The following CDH4 variants were observed in gnomAD, a reference collection of about 807,000 sequenced individuals.
CDH4 encodes cadherin-4.
A neutral mutation model predicts 86.0 loss-of-function variants in CDH4; 33 were observed. The observed-to-expected ratio is 0.38, with a 90% CI of 0.29 to 0.51. The LOEUF is 0.51. Among genes scored for constraint, CDH4 ranks in the 20% least tolerant of loss-of-function variants. CDH4 has a pLI of 0.86. For synonymous variants in CDH4, 555 were observed against 549.4 expected (o/e 1.01, Z -0.14); for missense variants, 1,114 against 1,307.4 (o/e 0.85, Z 2.28).
Position 61,934,161 on chromosome 20 carries a change from C to T in CDH4, c.2485C>T (p.Gln829Ter). The T allele has an allele frequency of 6.2e-7, 1 of 1,608,000 alleles. No homozygotes were observed. The highest frequency in any genetic ancestry group is 8.5e-7 in the Non-Finnish European group (1 of 1,176,840). Reference protein sequence around the residue: ...VDERPVGAEPQYPIRPMVPHP... With the variant: ...VDERPVGAEP ...TGAGCGGCCGGTGGGCGCTGAGCCCCAGTACCCGATCAGGCCCATGGTGCC... is the reference window on the plus strand; with the variant it reads ...TGAGCGGCCGGTGGGCGCTGAGCCCTAGTACCCGATCAGGCCCATGGTGCC... The change falls in exon 15 of 16, where the codon CAG becomes TAG. Residue 829 changes from glutamine to a stop codon, truncating the protein, a stop_gained. Transcript: ENST00000614565. LOFTEE classifies it high-confidence loss of function.
chr20:61,727,201 ATCT>A (rs1475768400), intron 2 of CDH4, among the ~76,000 whole-genome samples: 1 of 151,796 alleles, frequency 6.6e-6, no homozygotes, highest in Non-Finnish European at 1.5e-5. Flanking sequence ...CAGAGTCATC[ATCT>A]TCACCACCGG....
chr20:61,786,069 G>C (rs1367350285), intron 4 of CDH4, among the ~76,000 whole-genome samples: 1 of 152,134 alleles, frequency 6.6e-6, no homozygotes, highest in Non-Finnish European at 1.5e-5. Flanking sequence ...AGGATGGGAG[G>C]AACTGCTCTA....
intron 2 of CDH4, among the ~76,000 whole-genome samples, chr20:61,606,379 A>G (rs963572358): frequency 6.6e-6 from 1 of 152,226 alleles, no homozygotes; most frequent in African/African-American, 2.4e-5. Flanking sequence ...GAGAGGCTGA[A>G]TGACTTCCCC....
At chr20:61,289,166 G>A (rs1423596589) in intron 2 of CDH4, among the ~76,000 whole-genome samples, 1 of 152,220 alleles carries the variant, frequency 6.6e-6, no homozygotes, top group Admixed American at 6.5e-5. Flanking sequence ...GTGCCCCACT[G>A]CACCCTGCCA....
intron 2 of CDH4, among the ~76,000 whole-genome samples, chr20:61,723,877 A>ACAGGATGGAGGCTCCATGTGGCAG (rs2088074298): frequency 6.6e-6 from 1 of 152,132 alleles, no homozygotes; most frequent in African/African-American, 2.4e-5. Context: ...TCCATGCGGC[A>ACAGGATGGAGGCTCCATGTGGCAG]GGTGGGGTGG....
At chr20:61,502,546 G>A (rs2085711356) in intron 2 of CDH4, among the ~76,000 whole-genome samples, 1 of 152,170 alleles carries the variant, frequency 6.6e-6, no homozygotes, top group Non-Finnish European at 1.5e-5. Flanking sequence ...CATTGTCTGT[G>A]GTTGTGTGGT....
At chr20:61,739,859 C>G (rs772792784) in intron 2 of CDH4, among the ~76,000 whole-genome samples, 14 of 152,234 alleles carry the variant, frequency 9.2e-5, no homozygotes, top group Non-Finnish European at 1.3e-4. Context: ...GCCTCTCCAG[C>G]CGACGCCTCA....
chr20:61,671,593 GTGGA>G (rs1057472916), intron 2 of CDH4, among the ~76,000 whole-genome samples: 2 of 152,068 alleles, frequency 1.3e-5, no homozygotes, highest in Non-Finnish European at 2.9e-5. Flanking sequence ...TGATGAACGG[GTGGA>G]TGGATGGATG....
At chr20:61,805,757 G>A (rs112168322) in intron 4 of CDH4, among the ~76,000 whole-genome samples, 3,922 of 152,308 alleles carry the variant, frequency 0.026, 83 homozygotes, top group South Asian at 0.057. Context: ...CTCAGGGAGG[G>A]GCCCTCTCAC....
At chr20:61,648,193 T>C (rs1600837667) in intron 2 of CDH4, among the ~76,000 whole-genome samples, 1 of 152,330 alleles carries the variant, frequency 6.6e-6, no homozygotes, top group Non-Finnish European at 1.5e-5. Context: ...TGAAGACTTG[T>C]TCAAGATGCT....
intron 2 of CDH4, among the ~76,000 whole-genome samples, chr20:61,625,618 C>T (rs186530635): frequency 5.8e-4 from 88 of 152,236 alleles, no homozygotes; most frequent in Non-Finnish European, 9.6e-4. Flanking sequence ...GAGGAAAAAA[C>T]AGGGTTTTTA....
At chr20:61,912,315 G>C (rs2054859733) in intron 9 of CDH4, among the ~76,000 whole-genome samples, 1 of 152,192 alleles carries the variant, frequency 6.6e-6, no homozygotes, top group Non-Finnish European at 1.5e-5. Flanking sequence ...GATGTTAGGA[G>C]ATCACAGGGG....
intron 2 of CDH4, among the ~76,000 whole-genome samples, chr20:61,448,655 G>A (rs1600688675): frequency 6.6e-6 from 1 of 152,144 alleles, no homozygotes; most frequent in South Asian, 2.1e-4. Flanking sequence ...CACCATTCTG[G>A]TGGTAGAAAA....
At chr20:61,860,441 C>A (rs533552132) in intron 6 of CDH4, among the ~76,000 whole-genome samples, 1 of 152,212 alleles carries the variant, frequency 6.6e-6, no homozygotes, top group Admixed American at 6.5e-5. Flanking sequence ...AGTTTTCTGG[C>A]CTGGGATGGG....
chr20:61,610,924 GA>G (rs964908435), intron 2 of CDH4, among the ~76,000 whole-genome samples: 3 of 152,116 alleles, frequency 2.0e-5, no homozygotes, highest in African/African-American at 7.2e-5. Context: ...AAGGGTGCTG[GA>G]GCTGTGTGGA....
chr20:61,824,856 C>T (rs529931749), intron 4 of CDH4, among the ~76,000 whole-genome samples: 1 of 152,280 alleles, frequency 6.6e-6, no homozygotes, highest in South Asian at 2.1e-4. Flanking sequence ...CCTCCTAAGA[C>T]CACAAAGTGA....
At position 61,938,410 on chromosome 20, in the gene CDH4, G is replaced by GC. The variant is rs1164896316; in HGVS notation, c.*1469dup. On this transcript the variant is annotated 3_prime_UTR_variant, in exon 16 of 16. Coordinates refer to ENST00000614565, the MANE Select transcript of CDH4 (RefSeq NM_001794.5). ...CCCTCTGGCATGGCTGTGTCTGGGC[G>GC]CCTTGGGCTGCGGCAGGGGGCAGGC... 2 of 152,510 alleles carry GC rather than the reference G, an allele frequency of 1.3e-5. No individual in the cohort carries two copies. The highest frequency in any genetic ancestry group is 4.8e-5 in the African/African-American group (2 of 41,474). The allele number at this position is 152,510 out of a possible 1,614,324, so 9.4% of individuals were successfully genotyped here.
intron 4 of CDH4, among the ~76,000 whole-genome samples, chr20:61,830,780 T>C (rs988209203): frequency 3.3e-5 from 5 of 152,202 alleles, no homozygotes; most frequent in African/African-American, 1.2e-4. Context: ...TTACTTCCGC[T>C]TCTGGGCGCC....
intron 2 of CDH4, among the ~76,000 whole-genome samples, chr20:61,282,935 C>T (rs1457420080): frequency 2.5e-4 from 22 of 86,326 alleles, no homozygotes; most frequent in African/African-American, 6.7e-4. Flanking sequence ...CATTTGCACG[C>T]GTGTGCTGTG....
Sources: gnomAD v4.1 joint callset for allele counts (sites outside exome capture counted in the v4.1 genomes callset) on GRCh38, gnomAD v4.1.1 for gene constraint, MANE v1.5 for transcripts, NCBI Gene and HGNC (gene_info 2026-07-23, HGNC 2026-07-21) for gene names.